Variants in RCOR1 observed in about 807,000 individuals in gnomAD.
RCOR1 encodes the protein REST corepressor 1.
Under a neutral mutation model 64.0 loss-of-function variants are expected in RCOR1, and 12 were observed. The observed-to-expected ratio is 0.19, with a 90% CI of 0.12 to 0.30. The LOEUF (loss-of-function observed/expected upper bound fraction) is 0.30. Ranked by LOEUF, RCOR1 falls within the 10% of genes least tolerant of loss-of-function variation. The pLI is 1.00. For missense variants in RCOR1, 502 were observed against 621.2 expected (o/e 0.81, Z 2.04); for synonymous variants, 279 against 227.2 (o/e 1.23, Z -2.05).
At chr14:102,593,348 C>A in intron 2 of RCOR1, 23 bp downstream of exon 2, 1 of 1,522,380 alleles carries the variant, frequency 6.6e-7, no homozygotes, top group South Asian at 1.2e-5. Flanking sequence ...CCCGGCCGGC[C>A]GGCGGCGGGG....
chr14:102,655,486 TA>T (rs1894704233), intron 2 of RCOR1: 1 of 980,630 alleles, frequency 1.0e-6, no homozygotes, highest in Non-Finnish European at 1.2e-6. Flanking sequence ...CTATGTTTTT[TA>T]TAGTCTTAAT....
Position 102,608,823 on chromosome 14 carries a change from C to A in RCOR1, c.361+15498C>A, listed in dbSNP as rs140108454. 7.0e-3 allele frequency among the ~76,000 whole-genome samples: 1,061 copies of A among 151,994 alleles called. 15 individuals carry two copies. Among genetic ancestry groups the A allele is most frequent in the African/African-American group, 0.024 (1,010 of 41,444 alleles). ...CAAGCACTCCTCCTGCCTCAGCCTC[C>A]CAAAATGCTGAGCTTATAGGCATGA... is the stretch of plus-strand genomic sequence containing the variant. On this transcript the variant is annotated intron_variant, in intron 2 of 11. Transcript: ENST00000262241.
chr14:102,714,916 A>AC (rs771353136), intron 8 of RCOR1, among the ~76,000 whole-genome samples: 1 of 152,120 alleles, frequency 6.6e-6, no homozygotes, highest in Non-Finnish European at 1.5e-5. Flanking sequence ...ATATGAACAT[A>AC]CCCTAGTAAC....
intron 2 of RCOR1, among the ~76,000 whole-genome samples, chr14:102,677,325 C>G (rs1240726922): frequency 8.4e-6 from 1 of 119,620 alleles, no homozygotes; most frequent in Non-Finnish European, 1.7e-5. Flanking sequence ...GGCGGCTGGC[C>G]GGGCAGGGGG....
At chr14:102,722,440 C>G (rs764167868) in intron 11 of RCOR1, 24 bp downstream of exon 11, 3 of 1,575,902 alleles carry the variant, frequency 1.9e-6, no homozygotes, top group Admixed American at 1.7e-5. Flanking sequence ...AAAACAGTCA[C>G]TTCTCTTGTC....
intron 2 of RCOR1, among the ~76,000 whole-genome samples, chr14:102,639,497 T>TTTATTTA (rs1894317962): frequency 2.2e-5 from 3 of 135,388 alleles, no homozygotes; most frequent in Non-Finnish European, 3.1e-5. Context: ...ATTTTTTAAT[T>TTTATTTA]TTTATTTATT....
At chr14:102,668,619 T>C (rs1894965702) in intron 2 of RCOR1, among the ~76,000 whole-genome samples, 1 of 152,134 alleles carries the variant, frequency 6.6e-6, no homozygotes. Context: ...TTTTTTACAG[T>C]CCCTCTCCTT....
chr14:102,712,615 C>G (rs1028443647), intron 7 of RCOR1, among the ~76,000 whole-genome samples: 3 of 149,590 alleles, frequency 2.0e-5, no homozygotes, highest in Non-Finnish European at 4.4e-5. Flanking sequence ...GAACCGATTC[C>G]TGGAAGTTGT....
intron 2 of RCOR1, among the ~76,000 whole-genome samples, chr14:102,636,927 C>T (rs1033311499): frequency 1.3e-5 from 2 of 151,874 alleles, no homozygotes; most frequent in Non-Finnish European, 2.9e-5. Flanking sequence ...GCTGAGATCG[C>T]ACCATTGCAC....
chr14:102,706,114 CAAAAAA>C (rs71119732), intron 4 of RCOR1, among the ~76,000 whole-genome samples: 30 of 21,336 alleles, frequency 1.4e-3, no homozygotes, highest in East Asian at 8.0e-3. Flanking sequence ...AACCCTGTCT[CAAAAAA>C]AAAAAAAAAA....
intron 3 of RCOR1, among the ~76,000 whole-genome samples, chr14:102,700,063 T>C (rs908288212): frequency 6.6e-6 from 1 of 152,286 alleles, no homozygotes; most frequent in South Asian, 2.1e-4. Context: ...TCTTAAGAAT[T>C]TTTTAAAACA....
intron 3 of RCOR1, 140 bp downstream of exon 3, chr14:102,682,118 T>G: frequency 1.9e-6 from 1 of 538,424 alleles, no homozygotes; most frequent in East Asian, 3.2e-5. Flanking sequence ...TTAAAGTGTA[T>G]ATTTCTTTTT....
rs565549460 is a variant in RCOR1, at chr14:102,624,110, G to T, written c.361+30785G>T. Among the ~76,000 whole-genome samples, 18 of 151,830 alleles carry T rather than the reference G, an allele frequency of 1.2e-4. No individual in the cohort carries two copies. The South Asian group carries it at 3.5e-3, about 30-fold the overall frequency. ...ACTTGGGAGGCTGAGGCAGGAGAATGACATGAACCTGGGAGGCGGAGCTTG... is the reference window on the plus strand; with the variant it reads ...ACTTGGGAGGCTGAGGCAGGAGAATTACATGAACCTGGGAGGCGGAGCTTG... On this transcript the variant is annotated intron_variant, in intron 2 of 11. Coordinates refer to ENST00000262241, the MANE Select transcript of RCOR1 (RefSeq NM_015156.4).
At chr14:102,609,025 C>CTTTT (rs1004210046) in intron 2 of RCOR1, among the ~76,000 whole-genome samples, 2 of 106,998 alleles carry the variant, frequency 1.9e-5, no homozygotes, top group Non-Finnish European at 3.9e-5. Flanking sequence ...CTGTGCTTCA[C>CTTTT]TTTTTTTTTT....
intron 2 of RCOR1, among the ~76,000 whole-genome samples, chr14:102,608,329 CACTT>C (rs1893558644): frequency 1.3e-5 from 2 of 152,146 alleles, no homozygotes; most frequent in South Asian, 2.1e-4. Context: ...TGGCTTCTAT[CACTT>C]AGTGTAATGT....
intron 3 of RCOR1, among the ~76,000 whole-genome samples, chr14:102,689,364 A>T (rs1344641503): frequency 6.6e-6 from 1 of 152,062 alleles, no homozygotes; most frequent in Non-Finnish European, 1.5e-5. Context: ...GTGGAACTAG[A>T]GGGGAAGCTC....
chr14:102,655,052 C>T (rs1216573098), intron 2 of RCOR1, among the ~76,000 whole-genome samples: 1 of 150,384 alleles, frequency 6.6e-6, no homozygotes, highest in African/African-American at 2.4e-5. Context: ...CTCAAGCCAT[C>T]CTCCCTCCTC....
intron 2 of RCOR1, among the ~76,000 whole-genome samples, chr14:102,640,457 TC>T (rs1443439265): frequency 1.3e-5 from 2 of 152,192 alleles, no homozygotes; most frequent in African/African-American, 2.4e-5. Flanking sequence ...GGGTAGTTCT[TC>T]CGACTCTCAA....
intron 2 of RCOR1, among the ~76,000 whole-genome samples, chr14:102,677,045 T>TCCC (rs1895186816): frequency 1.1e-5 from 1 of 88,768 alleles, no homozygotes; most frequent in South Asian, 4.3e-4. Context: ...ACCCCCCACC[T>TCCC]CCCTCCCGGA....
Sources: allele counts gnomAD v4.1 joint callset (sites outside exome capture counted in the v4.1 genomes callset), GRCh38; gene constraint gnomAD v4.1.1; transcripts MANE v1.5; gene names NCBI Gene and HGNC (gene_info 2026-07-23, HGNC 2026-07-21).